RBBP8: variants seen among roughly 807,000 people sequenced by gnomAD.
The protein encoded by RBBP8 is DNA endonuclease RBBP8.
RBBP8 carries 88 observed loss-of-function variants against 108.3 expected under a neutral mutation model. That is an observed-to-expected ratio of 0.81 (90% confidence interval 0.68 to 0.97). The LOEUF (loss-of-function observed/expected upper bound fraction) is 0.97, where lower values mean the gene tolerates loss of function less well. Ranked by LOEUF, RBBP8 falls within the 50% of genes least tolerant of loss-of-function variation. The pLI is 0.00. For missense variants in RBBP8, 1,023 were observed against 1,049.0 expected (o/e 0.98, Z 0.34); for synonymous variants, 332 against 348.2 (o/e 0.95, Z 0.52).
Position 22,955,450 on chromosome 18 carries a change from C to T in RBBP8, c.248+5737C>T, listed in dbSNP as rs1485784379. Among the ~76,000 whole-genome samples the T allele has an allele frequency of 2.0e-5, 3 of 152,234 alleles. No homozygotes were observed. The East Asian group carries it at 5.8e-4, about 29-fold the overall frequency. On this transcript the variant is annotated intron_variant, in intron 4 of 18. Coordinates refer to ENST00000327155, the MANE Select transcript of RBBP8 (RefSeq NM_002894.3). ...AGGATTCACTTTGTACTTAGGCATC[C>T]AGCGCTAAATCTTTCTATTAACGCT...
At chr18:22,915,643 C>T (rs1909326066) in intron 2 of RBBP8, among the ~76,000 whole-genome samples, 1 of 152,074 alleles carries the variant, frequency 6.6e-6, no homozygotes, top group Admixed American at 6.6e-5. Flanking sequence ...GAATTTACTA[C>T]ATGAAACCTA....
chr18:22,955,872 G>T (rs137872270), intron 4 of RBBP8, among the ~76,000 whole-genome samples: 303 of 152,200 alleles, frequency 2.0e-3, no homozygotes, highest in Middle Eastern at 0.017. Context: ...GAGCCACCGC[G>T]CCTGGCCAGG....
intron 17 of RBBP8, among the ~76,000 whole-genome samples, chr18:23,020,104 ATT>A (rs542049374): frequency 2.2e-4 from 30 of 138,502 alleles, no homozygotes; most frequent in Admixed American, 2.9e-4. Context: ...TCTCCTGGTC[ATT>A]TTTTTTTTTT....
chr18:23,001,633 A>G lies in RBBP8; in HGVS notation c.2191A>G (p.Thr731Ala). The change falls in exon 15 of 19, where the codon ACA (threonine) becomes GCA (alanine). Residue 731 changes from threonine (T) to alanine (A), a missense_variant. By Grantham distance (58) the Thr-to-Ala change is moderately conservative. Transcript: ENST00000327155. Reference protein sequence around the residue: ...NDSLEDMFDRTTHEEYESCLA... With the variant: ...NDSLEDMFDRATHEEYESCLA... ...TAGCTTGGAAGATATGTTTGATCGGACAACACATGAAGAGTATGAATCCTG... is the reference window on the plus strand; with the variant it reads ...TAGCTTGGAAGATATGTTTGATCGGGCAACACATGAAGAGTATGAATCCTG... The G allele has an allele frequency of 6.2e-7, 1 of 1,614,144 alleles. No homozygotes were observed. The highest frequency in any genetic ancestry group is 2.2e-5 in the East Asian group (1 of 44,850).
intron 4 of RBBP8, among the ~76,000 whole-genome samples, chr18:22,950,607 A>G (rs1030142349): frequency 2.0e-5 from 3 of 150,784 alleles, no homozygotes; most frequent in African/African-American, 7.3e-5. Flanking sequence ...ACGATATCCC[A>G]TACTTTCTTT....
chr18:22,933,600 T>G (rs1330439581), intron 1 of RBBP8, 36 bp downstream of exon 1: 1 of 152,496 alleles, frequency 6.6e-6, no homozygotes, highest in Admixed American at 6.5e-5. Context: ...CACCCGGAGC[T>G]CTGGGTCGGA....
chr18:22,969,478 A>G (rs181850112), intron 5 of RBBP8, among the ~76,000 whole-genome samples: 1 of 152,252 alleles, frequency 6.6e-6, no homozygotes, highest in East Asian at 1.9e-4. Context: ...TGGATTTCCC[A>G]TAAGCAACTC....
At chr18:22,943,757 A>G (rs1211724889) in intron 2 of RBBP8, among the ~76,000 whole-genome samples, 1 of 152,198 alleles carries the variant, frequency 6.6e-6, no homozygotes, top group Non-Finnish European at 1.5e-5. Flanking sequence ...GTTTAAAATG[A>G]CAGTACATAC....
upstream of RBBP8, among the ~76,000 whole-genome samples, chr18:22,931,826 T>C (rs1438542805): frequency 6.6e-6 from 1 of 152,168 alleles, no homozygotes; most frequent in Non-Finnish European, 1.5e-5. Context: ...CATGTACCAT[T>C]TTTCAACAGT....
chr18:22,943,351 A>G (rs1485280442), intron 2 of RBBP8, among the ~76,000 whole-genome samples: 1 of 152,010 alleles, frequency 6.6e-6, no homozygotes, highest in Non-Finnish European at 1.5e-5. Flanking sequence ...AGGCAGGAGG[A>G]TCGCTTGGGC....
chr18:22,973,283 T>G (rs1224577256), intron 5 of RBBP8, among the ~76,000 whole-genome samples: 3 of 152,200 alleles, frequency 2.0e-5, no homozygotes, highest in African/African-American at 7.2e-5. Flanking sequence ...CAGAAATTTT[T>G]TATAGTTCTG....
At chr18:22,936,645 G>T in intron 1 of RBBP8, 109 bp from the exon 2 acceptor site, 1 of 569,088 alleles carries the variant, frequency 1.8e-6, no homozygotes, top group Non-Finnish European at 3.1e-6. Flanking sequence ...TTGATTATAG[G>T]TAAATAAGGA....
At chr18:23,003,866 G>A (rs1001235496) in intron 15 of RBBP8, among the ~76,000 whole-genome samples, 4 of 151,846 alleles carry the variant, frequency 2.6e-5, no homozygotes, top group Non-Finnish European at 5.9e-5. Context: ...AGACCATCCT[G>A]GCTAACACGC....
At position 22,949,630 on chromosome 18, in the gene RBBP8, A is replaced by C; in HGVS notation, c.165A>C (p.Arg55Ser). 6.2e-7 allele frequency: 1 copy of C among 1,611,120 alleles called. No individual in the cohort carries two copies. Among genetic ancestry groups the C allele is most frequent in the East Asian group, 2.2e-5 (1 of 44,788 alleles). Residue 55 changes from arginine (R) to serine (S), a missense_variant, in exon 4 of 19, where the codon AGA becomes AGC. Arg to Ser is a moderately radical substitution (Grantham distance 110). Coordinates refer to ENST00000327155, the MANE Select transcript of RBBP8 (RefSeq NM_002894.3). ...LKQERILDAQ[R>S]LEEFFTKNQQ... The stretch of plus-strand genomic sequence containing the variant: ...TTTTGACCTTTAGAGATGCACAAAG[A>C]CTAGAAGAATTCTTCACCAAAAATC...
At position 22,917,997 on chromosome 18, in the gene RBBP8, CAA is replaced by C. The variant is rs5823372; in HGVS notation, c.-154+987_-154+988del. On this transcript the variant is annotated intron_variant, in intron 3 of 4. Coordinates refer to the RBBP8 transcript ENST00000577588. ...TGGTCAACTGAGCAAGACTCCGTCT[CAA>C]AAAAAAAAAAAAAAACATATAATGT... is the stretch of plus-strand genomic sequence containing the variant. Among the ~76,000 whole-genome samples the C allele has an allele frequency of 2.1e-4, 25 of 120,972 alleles. 2 individuals are homozygous for C. The highest frequency in any genetic ancestry group is 3.0e-4 in the African/African-American group (9 of 30,262). 79.4% of individuals were successfully genotyped at this position (120,972 alleles called of 152,430 possible).
intron 17 of RBBP8, 73 bp downstream of exon 17, chr18:23,016,997 C>A: frequency 9.0e-7 from 1 of 1,110,348 alleles, no homozygotes; most frequent in Non-Finnish European, 1.4e-6. Flanking sequence ...ATTTTAAAAT[C>A]ACGTATACAA....
At chr18:23,005,688 C>T (rs959591487) in intron 15 of RBBP8, among the ~76,000 whole-genome samples, 4 of 152,014 alleles carry the variant, frequency 2.6e-5, no homozygotes, top group African/African-American at 9.6e-5. Flanking sequence ...GCTGAGATTA[C>T]AGGTGTGAGC....
Position 22,982,406 on chromosome 18 carries a change from G to A in RBBP8, c.604+13G>A. Reference sequence around the variant, plus strand: ...GTGTGTGCAAATGGTAAGAGTTGGAGTTGTATTTTAGTTCTCTGGTTTTGT... The same window carrying A: ...GTGTGTGCAAATGGTAAGAGTTGGAATTGTATTTTAGTTCTCTGGTTTTGT... On this transcript the variant is annotated intron_variant, in intron 7 of 18. Coordinates refer to ENST00000327155, the MANE Select transcript of RBBP8 (RefSeq NM_002894.3). 3 of 1,613,510 alleles carry A rather than the reference G, an allele frequency of 1.9e-6. No homozygotes were observed. Among genetic ancestry groups the A allele is most frequent in the Non-Finnish European group, 2.5e-6 (3 of 1,179,896 alleles).
Position 22,989,239 on chromosome 18 carries a change from G to A in RBBP8, c.728G>A (p.Ser243Asn). ...TTCTTAGAAGCACATGGAACAAGCA[G>A]CTATACCCCTGATAAGTCATCTTTT... ...SPMAKAHGTS[S>N]YTPDKSSFNL... Residue 243 changes from serine (S) to asparagine (N), a missense_variant, in exon 9 of 19, where the codon AGC becomes AAC. Transcript: ENST00000327155. The A allele has an allele frequency of 6.2e-7, 1 of 1,608,946 alleles. No individual in the cohort carries two copies. The highest frequency in any genetic ancestry group is 8.5e-7 in the Non-Finnish European group (1 of 1,175,786).
Sources: allele counts gnomAD v4.1 joint callset (sites outside exome capture counted in the v4.1 genomes callset), GRCh38; gene constraint gnomAD v4.1.1; transcripts MANE v1.5; gene names NCBI Gene and HGNC (gene_info 2026-07-23, HGNC 2026-07-21).